The following KANK1 variants were observed in gnomAD, a reference collection of about 807,000 sequenced individuals.
The protein encoded by KANK1 is KN motif and ankyrin repeat domain-containing protein 1.
Under a neutral mutation model 106.2 loss-of-function variants are expected in KANK1, and 109 were observed. That is an observed-to-expected ratio of 1.03 (90% CI 0.88 to 1.20). KANK1 has a LOEUF of 1.20. Among genes scored for constraint, KANK1 ranks in the 50% most tolerant of loss-of-function variants. The pLI is 0.00. For missense variants in KANK1, 2,399 were observed against 1,710.7 expected, an observed-to-expected ratio of 1.40 and a Z score of -7.10; for synonymous variants, 873 against 652.2, an observed-to-expected ratio of 1.34 and a Z score of -5.16.
At chr9:664,834 T>C (rs56382110) in intron 1 of KANK1, among the ~76,000 whole-genome samples, 24,316 of 152,170 alleles carry the variant, frequency 0.16, 2,785 homozygotes, top group East Asian at 0.33. Context: ...CTCACCAGCA[T>C]GTTATTCCCT....
At chr9:689,726 C>CT (rs1233045146) in intron 2 of KANK1, among the ~76,000 whole-genome samples, 3 of 150,224 alleles carry the variant, frequency 2.0e-5, no homozygotes, top group South Asian at 4.3e-4. Context: ...TCCCAAGCAC[C>CT]TAAGGGGAGG....
chr9:676,933 CCTCA>C lies in KANK1; in HGVS notation c.-36_-33del, dbSNP rs1187268496. On this transcript the variant is annotated 5_prime_UTR_variant, in exon 2 of 12. Transcript: ENST00000382297. ...CTTGATGCATAAAATTTGCATGACT[CCTCA>C]CTCCTTTCTGGATCTCTCATTGGAC... 4 of 1,594,258 alleles carry C rather than the reference CCTCA, an allele frequency of 2.5e-6. No individual in the cohort carries two copies. Among genetic ancestry groups the C allele is most frequent in the Admixed American group, 1.7e-5 (1 of 59,340 alleles).
At chr9:646,730 C>T (rs1185278470) in intron 1 of KANK1, among the ~76,000 whole-genome samples, 3 of 149,636 alleles carry the variant, frequency 2.0e-5, no homozygotes, top group African/African-American at 5.1e-5. Context: ...CTCTCTGTCA[C>T]CCAGGCTGGA....
chr9:640,959 G>T (rs568688260), intron 1 of KANK1, among the ~76,000 whole-genome samples: 1 of 152,252 alleles, frequency 6.6e-6, no homozygotes, highest in African/African-American at 2.4e-5. Flanking sequence ...GCCTCCCAAA[G>T]TCCAGGGATT....
chr9:527,699 T>C (rs554653962), intron 1 of KANK1, among the ~76,000 whole-genome samples: 17 of 151,574 alleles, frequency 1.1e-4, no homozygotes, highest in African/African-American at 3.7e-4. Context: ...ATTGTCTTTT[T>C]TTTTTTTTTC....
chr9:558,691 GAAAAA>G (rs112127204), intron 1 of KANK1: 1 of 144,916 alleles, frequency 6.9e-6, no homozygotes, highest in African/African-American at 2.5e-5. Flanking sequence ...CCACAAAAAT[GAAAAA>G]AAAAAGCCCT....
chr9:524,362 T>A (rs1196699045), intron 1 of KANK1, among the ~76,000 whole-genome samples: 1 of 111,458 alleles, frequency 9.0e-6, no homozygotes, highest in Non-Finnish European at 1.7e-5. Flanking sequence ...AAGTAACTTT[T>A]TGGAGTGTAT....
intron 3 of KANK1, among the ~76,000 whole-genome samples, chr9:719,335 A>G (rs1400522872): frequency 6.6e-6 from 1 of 152,208 alleles, no homozygotes; most frequent in South Asian, 2.1e-4. Flanking sequence ...ACTTTGGGAA[A>G]GTAACCTAAA....
At chr9:560,302 A>G (rs1057327053) in intron 1 of KANK1, among the ~76,000 whole-genome samples, 2 of 152,254 alleles carry the variant, frequency 1.3e-5, no homozygotes, top group Non-Finnish European at 2.9e-5. Flanking sequence ...GATAAGTTGG[A>G]AAAGCATGGG....
chr9:606,142 TACACACACACACACACACACACAC>T (rs3028170), intron 1 of KANK1, among the ~76,000 whole-genome samples: 3 of 141,754 alleles, frequency 2.1e-5, no homozygotes, highest in South Asian at 2.2e-4. Context: ...CACATATTCC[TACACACACACACACACACACACAC>T]ACACACACAC....
intron 2 of KANK1, among the ~76,000 whole-genome samples, 174 bp from the exon 3 acceptor site, chr9:710,623 AAAAAAAC>A (rs1417401096): frequency 7.7e-6 from 1 of 130,464 alleles, no homozygotes; most frequent in African/African-American, 3.9e-5. Context: ...CTCAAAAAAA[AAAAAAAC>A]AAAAAAAAAC....
chr9:504,780 G>GCGCCC (rs2058659620), intron 1 of KANK1, 26 bp downstream of exon 1: 1 of 8,602 alleles, frequency 1.2e-4, no homozygotes, highest in South Asian at 3.1e-3. Context: ...GGGCCGTGCC[G>GCGCCC]CGCCCCGTGC....
chr9:713,544 C>T, intron 3 of KANK1, 80 bp downstream of exon 3: 1 of 1,430,162 alleles, frequency 7.0e-7, no homozygotes, highest in Non-Finnish European at 9.4e-7. Flanking sequence ...TATTTTTTAA[C>T]TGCTGGAACC....
rs1050496567 is a variant in KANK1, at chr9:472,155, C to T, written c.-441-1039C>T. The stretch of plus-strand genomic sequence containing the variant: ...GAATACACCCTACCTTATTCACAGC[C>T]TCTTATAGAGAGCTGGCCTGCCCAC... On this transcript the variant is annotated intron_variant, in intron 2 of 15. Transcript: ENST00000382303. Among the ~76,000 whole-genome samples, 5 of 152,194 alleles carry T rather than the reference C, an allele frequency of 3.3e-5. No homozygotes were observed. In the East Asian group the frequency reaches 7.7e-4, roughly 23 times the overall value.
In KANK1 at chr9:477,334, AT is replaced by A. The variant is rs1418646629; in HGVS notation, c.-362+4064del. Among the ~76,000 whole-genome samples, 3 of 151,682 alleles carry A rather than the reference AT, an allele frequency of 2.0e-5. No homozygotes were observed. The East Asian group carries it at 5.8e-4, about 29-fold the overall frequency. On this transcript the variant is annotated intron_variant, in intron 3 of 15. Coordinates refer to the KANK1 transcript ENST00000382303. The stretch of plus-strand genomic sequence containing the variant: ...AAAAAAAAAAAAGATCTAGCTTTTG[AT>A]TTCCAAATTTGAGTTCCTAGAATAA...
At chr9:697,960 C>A (rs764313265) in intron 2 of KANK1, among the ~76,000 whole-genome samples, 6 of 152,122 alleles carry the variant, frequency 3.9e-5, no homozygotes, top group Non-Finnish European at 8.8e-5. Flanking sequence ...CTGTGGTAGG[C>A]AGGCCAACAG....
intron 1 of KANK1, among the ~76,000 whole-genome samples, chr9:567,995 T>A (rs1408085221): frequency 4.7e-5 from 6 of 128,012 alleles, no homozygotes; most frequent in African/African-American, 2.3e-4. Flanking sequence ...GCATTGTTGG[T>A]TTTTTTTTTT....
intron 1 of KANK1, among the ~76,000 whole-genome samples, chr9:537,379 A>G (rs115051092): frequency 2.1e-3 from 320 of 152,256 alleles, no homozygotes; most frequent in African/African-American, 7.2e-3. Context: ...CACAAGTTAA[A>G]TCTTGTCTCA....
intron 1 of KANK1, chr9:673,853 C>T (rs1326822302): frequency 2.6e-5 from 4 of 152,068 alleles, no homozygotes; most frequent in Admixed American, 2.0e-4. Context: ...AGAGTGCAAA[C>T]ACACAAGGCT....
Sources: gnomAD v4.1 joint callset for allele counts (sites outside exome capture counted in the v4.1 genomes callset) on GRCh38, gnomAD v4.1.1 for gene constraint, MANE v1.5 for transcripts, NCBI Gene and HGNC (gene_info 2026-07-23, HGNC 2026-07-21) for gene names.